Variants in PAK5 observed in about 807,000 individuals in gnomAD.
PAK5 encodes p21 (RAC1) activated kinase 5.
In PAK5, 16 loss-of-function variants were observed where a neutral mutation model predicts 65.9. The ratio of observed to expected loss-of-function variants is 0.24; its 90% CI spans 0.16 to 0.37. PAK5 has a LOEUF of 0.37. PAK5 is among the 10% of genes least tolerant of loss of function. The pLI is 1.00. For missense variants in PAK5, 785 were observed against 903.9 expected (o/e 0.87, Z 1.69); for synonymous variants, 371 against 354.9 (o/e 1.05, Z -0.51).
chr20:9,669,929 C>G (rs975403370), intron 2 of PAK5, among the ~76,000 whole-genome samples: 3 of 152,068 alleles, frequency 2.0e-5, no homozygotes. Flanking sequence ...TGCCTCCCCC[C>G]CACCCCACAA....
At chr20:9,761,674 A>G (rs896445435) in intron 1 of PAK5, among the ~76,000 whole-genome samples, 1 of 152,182 alleles carries the variant, frequency 6.6e-6, no homozygotes, top group Non-Finnish European at 1.5e-5. Context: ...TCAAAACAGC[A>G]TGGCACTGGC....
At position 9,580,300 on chromosome 20, in the gene PAK5, G is replaced by C. The variant is rs2045954846; in HGVS notation, c.835C>G (p.Gln279Glu). ...CTGGACCTCTGCCGCATGGTGGGCT[G>C]AGGGCTTGTCTGATTCAGGTACGAA... ...KSSYLNQTSP[Q>E]PTMRQRSRSG... Residue 279 changes from glutamine to glutamate, a missense_variant, in exon 4 of 10, where the codon CAG (glutamine) becomes GAG (glutamate). Physicochemically the swap from Gln to Glu is conservative, Grantham distance 29 (BLOSUM62 2). This residue lies in a region of PAK5 where 422 missense variants were observed against 413.3 expected (regional missense o/e 1.02). Coordinates refer to ENST00000353224, the MANE Select transcript of PAK5 (RefSeq NM_177990.4). 4 of 1,614,046 alleles carry C rather than the reference G, an allele frequency of 2.5e-6. No individual in the cohort carries two copies. The highest frequency in any genetic ancestry group is 3.4e-6 in the Non-Finnish European group (4 of 1,180,036).
intron 2 of PAK5, among the ~76,000 whole-genome samples, chr20:9,648,398 A>G (rs545747174): frequency 6.6e-6 from 1 of 152,278 alleles, no homozygotes; most frequent in East Asian, 1.9e-4. Context: ...TTTATTTTGT[A>G]CTGGTCACAT....
At chr20:9,673,492 C>T (rs2047528457) in intron 2 of PAK5, among the ~76,000 whole-genome samples, 1 of 152,088 alleles carries the variant, frequency 6.6e-6, no homozygotes, top group South Asian at 2.1e-4. Context: ...ATTTAATTTC[C>T]ATTAATTTTG....
intron 2 of PAK5, among the ~76,000 whole-genome samples, chr20:9,680,205 T>C (rs535437383): frequency 1.3e-5 from 2 of 152,332 alleles, no homozygotes; most frequent in South Asian, 2.1e-4. Flanking sequence ...GATAAAAGCA[T>C]AGTCTCTACC....
At chr20:9,772,013 G>C (rs2048839365) in intron 1 of PAK5, among the ~76,000 whole-genome samples, 1 of 152,094 alleles carries the variant, frequency 6.6e-6, no homozygotes, top group African/African-American at 2.4e-5. Context: ...ATTCCAGCCT[G>C]GGTGACATAG....
intron 4 of PAK5, among the ~76,000 whole-genome samples, chr20:9,570,986 C>T (rs2045771168): frequency 6.6e-6 from 1 of 152,228 alleles, no homozygotes; most frequent in African/African-American, 2.4e-5. Flanking sequence ...GAGCTCTTTG[C>T]TGAAAGCTAA....
At chr20:9,810,419 A>G (rs1279190473) in intron 1 of PAK5, among the ~76,000 whole-genome samples, 1 of 152,078 alleles carries the variant, frequency 6.6e-6, no homozygotes, top group Non-Finnish European at 1.5e-5. Flanking sequence ...CAAAAGATTA[A>G]AAGAACTAGC....
Position 9,538,223 on chromosome 20 carries a change from C to T in PAK5, c.*1239G>A, listed in dbSNP as rs1004801600. 1 of 233,502 alleles carries T rather than the reference C, an allele frequency of 4.3e-6. No homozygotes were observed. The highest frequency in any genetic ancestry group is 2.2e-5 in the African/African-American group (1 of 45,346). The allele number at this position is 233,502 out of a possible 1,614,324, so 14.5% of individuals were successfully genotyped here. On this transcript the variant is annotated 3_prime_UTR_variant, in exon 10 of 10. Transcript: ENST00000353224. The stretch of plus-strand genomic sequence containing the variant: ...AAGATCTAGACAGCAGCACGACTCT[C>T]CTATGTCGGAAACACATTATAACAT...
chr20:9,713,687 A>G (rs1164018774), intron 1 of PAK5, among the ~76,000 whole-genome samples: 1 of 152,124 alleles, frequency 6.6e-6, no homozygotes, highest in Non-Finnish European at 1.5e-5. Context: ...CAGTCACAAA[A>G]AGAAATTAAT....
At chr20:9,782,139 GGGTGCCA>G (rs1335925627) in intron 1 of PAK5, among the ~76,000 whole-genome samples, 1 of 152,002 alleles carries the variant, frequency 6.6e-6, no homozygotes. Flanking sequence ...CATGTTCCTT[GGGTGCCA>G]GGTGCACTTG....
chr20:9,709,682 C>T (rs1471607072), intron 2 of PAK5, among the ~76,000 whole-genome samples: 1 of 152,128 alleles, frequency 6.6e-6, no homozygotes, highest in East Asian at 1.9e-4. Context: ...AGAATTCCTA[C>T]ACCATACAAG....
chr20:9,653,844 T>C (rs1228638988), intron 2 of PAK5, among the ~76,000 whole-genome samples: 1 of 152,234 alleles, frequency 6.6e-6, no homozygotes, highest in Non-Finnish European at 1.5e-5. Context: ...TAGAGCAGAA[T>C]ACATTTCCTT....
Position 9,765,656 on chromosome 20 carries a change from G to A in PAK5, c.-161-54221C>T, listed in dbSNP as rs143638398. ...AAATCAACCCTCCTCCCATCAAGCC[G>A]CCCTCTCCCTGCTTCTCCCTGCCCA... On this transcript the variant is annotated intron_variant, in intron 1 of 9. Coordinates refer to ENST00000353224, the MANE Select transcript of PAK5 (RefSeq NM_177990.4). Among the ~76,000 whole-genome samples the A allele has an allele frequency of 8.4e-4, 127 of 152,074 alleles. No homozygotes were observed. The Middle Eastern group carries it at 0.017, about 20-fold the overall frequency.
chr20:9,807,973 G>T (rs972224808), intron 1 of PAK5, among the ~76,000 whole-genome samples: 31 of 151,962 alleles, frequency 2.0e-4, no homozygotes, highest in Admixed American at 1.4e-3. Context: ...TGATACAAAA[G>T]ATTTTATTGT....
intron 1 of PAK5, among the ~76,000 whole-genome samples, chr20:9,732,234 A>T (rs1192910891): frequency 6.6e-6 from 1 of 152,206 alleles, no homozygotes; most frequent in Non-Finnish European, 1.5e-5. Context: ...TAACATCAAT[A>T]AAATATTTCA....
chr20:9,754,517 C>A (rs965694653), intron 1 of PAK5, among the ~76,000 whole-genome samples: 1 of 152,140 alleles, frequency 6.6e-6, no homozygotes, highest in Non-Finnish European at 1.5e-5. Context: ...TGAAAAATAT[C>A]TTGAGCACCA....
intron 4 of PAK5, among the ~76,000 whole-genome samples, chr20:9,570,081 T>TTA (rs71184145): frequency 0.48 from 73,206 of 151,782 alleles, 20,853 homozygotes; most frequent in African/African-American, 0.81. Context: ...TCTGTGAGTC[T>TTA]GTTTCCTTAT....
intron 1 of PAK5, among the ~76,000 whole-genome samples, chr20:9,824,256 A>C (rs905280687): frequency 6.6e-6 from 1 of 152,216 alleles, no homozygotes; most frequent in African/African-American, 2.4e-5. Context: ...AAAGAATATT[A>C]AATCTCCAAA....
Sources: allele counts gnomAD v4.1 joint callset (sites outside exome capture counted in the v4.1 genomes callset), GRCh38; gene constraint gnomAD v4.1.1; regional missense constraint gnomAD v4.1.1; transcripts MANE v1.5; gene names NCBI Gene and HGNC (gene_info 2026-07-23, HGNC 2026-07-21).